Variants in MUS81 observed in about 807,000 individuals in gnomAD.
MUS81 encodes structure-specific endonuclease subunit MUS81.
A neutral mutation model predicts 74.2 loss-of-function variants in MUS81; 69 were observed. That is an observed-to-expected ratio of 0.93 (90% CI 0.77 to 1.14). The LOEUF (loss-of-function observed/expected upper bound fraction) is 1.14. Among genes scored for constraint, MUS81 ranks in the 50% most tolerant of loss-of-function variants. MUS81 has a pLI of 0.00. For missense variants in MUS81, 711 were observed against 726.5 expected, an observed-to-expected ratio of 0.98 and a Z score of 0.25; for synonymous variants, 303 against 300.6, an observed-to-expected ratio of 1.01 and a Z score of -0.08.
chr11:65,865,037 C>A lies in MUS81; in HGVS notation c.1293C>A (p.Arg431=). 6.2e-7 allele frequency: 1 copy of A among 1,613,838 alleles called. No homozygotes were observed. Among genetic ancestry groups the A allele is most frequent in the Non-Finnish European group, 8.5e-7 (1 of 1,179,982 alleles). ...RLYQGHTLRS[R]PWGTPGNPES... Reference sequence around the variant, plus strand: ...CTCAGGGCCACACCCTACGCAGCCGCCCCTGGGGAACCCCTGGGAACCCTG... The same window carrying A: ...CTCAGGGCCACACCCTACGCAGCCGACCCTGGGGAACCCCTGGGAACCCTG... The change falls in exon 13 of 16, where the codon CGC becomes CGA. Residue 431 remains arginine, a synonymous_variant. Coordinates refer to ENST00000308110, the MANE Select transcript of MUS81 (RefSeq NM_025128.5).
In MUS81 at chr11:65,864,581, A is replaced by C; in HGVS notation, c.1144A>C (p.Ser382Arg). ...GSVHNLSLPE[S>R]TLLQAVTNTQ... ...CGTCCACAACCTCAGCCTTCCTGAG[A>C]GCACACTGCTGCAGGCTGTCACCAA... Residue 382 changes from serine to arginine, a missense_variant, in exon 11 of 16, where the codon AGC becomes CGC. Transcript: ENST00000308110. The C allele has an allele frequency of 6.2e-7, 1 of 1,614,108 alleles. No individual in the cohort carries two copies. The highest frequency in any genetic ancestry group is 2.2e-5 in the East Asian group (1 of 44,880).
intron 10 of MUS81, 96 bp from the exon 11 acceptor site, chr11:65,864,401 C>G: frequency 8.9e-7 from 1 of 1,127,938 alleles, no homozygotes. Flanking sequence ...CTGGTGGGAA[C>G]AGGGTCCCGG....
chr11:65,867,095 T>G (rs1258442287), downstream of MUS81: 2 of 1,613,596 alleles, frequency 1.2e-6, no homozygotes, highest in Non-Finnish European at 1.7e-6. Flanking sequence ...GGGCAGTGGG[T>G]GGGGGGACAT....
chr11:65,860,491 G>T lies in MUS81; in HGVS notation c.-263G>T. 1 of 573,784 alleles carries T rather than the reference G, an allele frequency of 1.7e-6. No homozygotes were observed. Among genetic ancestry groups the T allele is most frequent in the Non-Finnish European group, 3.1e-6 (1 of 318,004 alleles). 35.5% of individuals were successfully genotyped at this position (573,784 alleles called of 1,614,324 possible). A position where few individuals can be genotyped will look rare whatever the true frequency, so the allele number is the denominator to read the frequency against. On this transcript the variant is annotated 5_prime_UTR_variant, in exon 1 of 16. Coordinates refer to ENST00000308110, the MANE Select transcript of MUS81 (RefSeq NM_025128.5). ...GGGAAAGGGCGCGTCTCAAAGGCTG[G>T]CTGGAGTGGAGCCAAGGGAAAAGAT... is the stretch of plus-strand genomic sequence containing the variant.
chr11:65,865,450 C>A (rs1859793432), intron 14 of MUS81, 127 bp downstream of exon 14: 1 of 1,005,642 alleles, frequency 9.9e-7, no homozygotes, highest in Non-Finnish European at 1.4e-6. Flanking sequence ...TAGACAGATC[C>A]CAGGGTGCTC....
chr11:65,860,053 G>A (rs1038341173), upstream of MUS81: 1 of 272,392 alleles, frequency 3.7e-6, no homozygotes, highest in African/African-American at 2.2e-5. Flanking sequence ...TTCTCGGCAC[G>A]TCCCCGACTT....
chr11:65,865,085 A>T lies in MUS81; in HGVS notation c.1341A>T (p.Pro447=). 6.2e-7 allele frequency: 1 copy of T among 1,614,116 alleles called. No individual in the cohort carries two copies. Among genetic ancestry groups the T allele is most frequent in the South Asian group, 1.1e-5 (1 of 91,078 alleles). The change falls in exon 13 of 16, where the codon CCA becomes CCT. Residue 447 remains proline (P), a synonymous_variant. Transcript: ENST00000308110. ...GNPESGAMTS[P]NPLCSLLTFS... is the part of the protein sequence containing the mutation. ...CTGAATCAGGGGCCATGACCTCTCC[A>T]AACCCTCTCTGCTCACTCCTCACCT... is the stretch of plus-strand genomic sequence containing the variant.
chr11:65,866,772 G>T, downstream of MUS81: 1 of 1,078,778 alleles, frequency 9.3e-7, no homozygotes. Context: ...GTGCCACCCT[G>T]CCCCAGCCTG....
chr11:65,864,731 CT>C lies in MUS81; in HGVS notation c.1194del (p.Phe398LeufsTer2). On this transcript the variant is annotated frameshift_variant, in exon 12 of 16. Coordinates refer to ENST00000308110, the MANE Select transcript of MUS81 (RefSeq NM_025128.5). LOFTEE classifies it high-confidence loss of function. ...AVTNTQVIDG[F>X]FVKRTADIKE... is the part of the protein sequence containing the mutation. ...GTCCTCTTCCCCAGGTCATTGATGG[CT>C]TTTTTGTGAAGCGCACAGCAGACAT... 1.2e-6 allele frequency: 2 copies of C among 1,614,092 alleles called. No homozygotes were observed. Among genetic ancestry groups the C allele is most frequent in the South Asian group, 1.1e-5 (1 of 91,080 alleles).
At chr11:65,859,699 A>AT (rs565164802), upstream of MUS81, among the ~76,000 whole-genome samples, 109 of 152,340 alleles carry the variant, frequency 7.2e-4, no homozygotes, top group African/African-American at 2.3e-3. Context: ...GACTTCCGGC[A>AT]TAGCAGCTAG....
At chr11:65,860,265 C>T (rs764209377), upstream of MUS81, 2 of 457,094 alleles carry the variant, frequency 4.4e-6, no homozygotes, top group South Asian at 1.5e-5. Flanking sequence ...CAGTCTCCAT[C>T]TCCAGCCTCC....
chr11:65,866,383 G>A lies in MUS81; in HGVS notation c.*331G>A, dbSNP rs1859838037. On this transcript the variant is annotated 3_prime_UTR_variant, in exon 16 of 16. Transcript: ENST00000308110. ...CCTTAGGAGTGCAGAGGGCTCATTG[G>A]GAAAATAAAAATAATAAAAATAAAT... 3.2e-6 allele frequency: 2 copies of A among 632,952 alleles called. No homozygotes were observed. Among genetic ancestry groups the A allele is most frequent in the African/African-American group, 1.8e-5 (1 of 54,192 alleles). The allele number at this position is 632,952 out of a possible 1,614,324, so 39.2% of individuals were successfully genotyped here. A position where few individuals can be genotyped will look rare whatever the true frequency, so the allele number is the denominator to read the frequency against.
At chr11:65,864,454 C>A in intron 10 of MUS81, 43 bp from the exon 11 acceptor site, 2 of 1,550,014 alleles carry the variant, frequency 1.3e-6, no homozygotes, top group South Asian at 2.2e-5. Flanking sequence ...GGCATGTGGT[C>A]ATCCAGCCTG....
At chr11:65,862,780 G>A (rs1305826359) in intron 6 of MUS81, among the ~76,000 whole-genome samples, 2 of 152,338 alleles carry the variant, frequency 1.3e-5, no homozygotes, top group South Asian at 4.1e-4. Context: ...AGGATTTGGC[G>A]GGTAGAGATG....
downstream of MUS81, chr11:65,867,556 A>G: frequency 2.1e-6 from 1 of 479,668 alleles, no homozygotes; most frequent in Non-Finnish European, 3.8e-6. Flanking sequence ...ACTAGCAAGG[A>G]GTGGACTTTC....
chr11:65,862,046 G>C lies in MUS81; in HGVS notation c.450+1G>C. On this transcript the variant is annotated splice_donor_variant, in intron 4 of 15. Transcript: ENST00000308110. LOFTEE classifies it high-confidence loss of function. Reference sequence around the variant, plus strand: ...GCTGGTGCTCTACCGGGAGCACCTGGTGAGCACTGGGCTACACCGGGAGGC... The same window carrying C: ...GCTGGTGCTCTACCGGGAGCACCTGCTGAGCACTGGGCTACACCGGGAGGC... 1 of 1,607,382 alleles carries C rather than the reference G, an allele frequency of 6.2e-7. No individual in the cohort carries two copies. The highest frequency in any genetic ancestry group is 8.5e-7 in the Non-Finnish European group (1 of 1,176,918).
downstream of MUS81, chr11:65,867,015 A>G: frequency 3.1e-6 from 5 of 1,614,166 alleles, no homozygotes; most frequent in Non-Finnish European, 4.2e-6. Context: ...CAGGTCCAGC[A>G]CGTACTCCCG....
intron 2 of MUS81, 109 bp downstream of exon 2, chr11:65,861,211 C>A (rs1240124897): frequency 1.1e-5 from 18 of 1,572,388 alleles, no homozygotes; most frequent in Non-Finnish European, 1.6e-5. Context: ...TCCCAGTTGC[C>A]GTTCGGCCTA....
chr11:65,865,195 T>G, intron 13 of MUS81, 25 bp from the exon 14 acceptor site: 1 of 1,614,116 alleles, frequency 6.2e-7, no homozygotes, highest in Non-Finnish European at 8.5e-7. Context: ...AGACCCCCAC[T>G]GATCCAGCCC....
Sources: allele counts gnomAD v4.1 joint callset (sites outside exome capture counted in the v4.1 genomes callset), GRCh38; gene constraint gnomAD v4.1.1; transcripts MANE v1.5; gene names NCBI Gene and HGNC (gene_info 2026-07-23, HGNC 2026-07-21).